The following ATP11C variants were observed in gnomAD, a reference collection of about 807,000 sequenced individuals.
ATP11C encodes ATPase phospholipid transporting 11C (ATP11C blood group).
ATP11C carries 36 observed loss-of-function variants against 97.4 expected under a neutral mutation model. The ratio of observed to expected loss-of-function variants is 0.37; its 90% CI spans 0.28 to 0.49. The LOEUF is 0.49. ATP11C is among the 20% of genes least tolerant of loss of function. The pLI, the probability that ATP11C is intolerant of heterozygous loss-of-function variation, is 0.98. For synonymous variants in ATP11C, 275 were observed against 290.9 expected (o/e 0.95, Z 0.56); for missense variants, 730 against 824.6 (o/e 0.89, Z 1.40).
chrX:139,871,143 A>G (rs1174304389), intron 1 of ATP11C, among the ~76,000 whole-genome samples: 2 of 110,797 alleles, frequency 1.8e-5, no homozygotes, highest in African/African-American at 3.3e-5. Context: ...AAACCATATG[A>G]AAGTCTAGAT....
At chrX:139,880,086 C>T (rs1404708878) in intron 1 of ATP11C, among the ~76,000 whole-genome samples, 1 of 110,687 alleles carries the variant, frequency 9.0e-6, no homozygotes, top group Non-Finnish European at 1.9e-5. Context: ...AAAAAAAACA[C>T]CTTCTTTTGC....
In ATP11C at chrX:139,874,209, ATTT is replaced by A. The variant is rs140962708; in HGVS notation, c.28-47389_28-47387del. 3.0e-3 allele frequency among the ~76,000 whole-genome samples: 248 copies of A among 81,967 alleles called. 1 individual carries two copies. The highest frequency in any genetic ancestry group is 0.012 in the African/African-American group (228 of 18,584). The allele number at this position is 81,967 out of a possible 115,157, so 71.2% of individuals were successfully genotyped here. A position where few individuals can be genotyped will look rare whatever the true frequency, so the allele number is the denominator to read the frequency against. On this transcript the variant is annotated intron_variant, in intron 1 of 29. Transcript: ENST00000682941. ...AGACGTGTGCCACCATGCCTGGCTA[ATTT>A]TTTTTTTTTTTTTTTTTTTGTATTT...
chrX:139,817,062 G>T, intron 3 of ATP11C, 119 bp from the exon 4 acceptor site: 1 of 371,145 alleles, frequency 2.7e-6, no homozygotes. Flanking sequence ...CCAGTAGTAG[G>T]GTAAATATTA....
At chrX:139,903,194 G>A (rs1325449077) in intron 1 of ATP11C, among the ~76,000 whole-genome samples, 1 of 111,454 alleles carries the variant, frequency 9.0e-6, no homozygotes, top group East Asian at 2.8e-4. Context: ...CAAAAACCAG[G>A]GGGTGGCCTG....
In ATP11C at chrX:139,787,302, T is replaced by C. The variant is rs1236681008; in HGVS notation, c.1521-58A>G. The C allele has an allele frequency of 3.2e-5, 32 of 999,375 alleles. No homozygotes were observed. In the East Asian group the frequency reaches 1.1e-3, roughly 33 times the overall value. 82.4% of individuals were successfully genotyped at this position (999,375 alleles called of 1,213,427 possible). A position where few individuals can be genotyped will look rare whatever the true frequency, so the allele number is the denominator to read the frequency against. ...CTCTAAAGAATGATTAATTTTTTTATTATTATTTTTTTTGAGACAGAGTCT... is the reference window on the plus strand; with the variant it reads ...CTCTAAAGAATGATTAATTTTTTTACTATTATTTTTTTTGAGACAGAGTCT... On this transcript the variant is annotated intron_variant, in intron 14 of 29. Transcript: ENST00000682941.
At chrX:139,922,733 A>T (rs1034862570) in intron 1 of ATP11C, among the ~76,000 whole-genome samples, 1 of 111,814 alleles carries the variant, frequency 8.9e-6, no homozygotes, top group Admixed American at 9.5e-5. Context: ...CAGGATTGTG[A>T]GAAATAAATT....
intron 18 of ATP11C, among the ~76,000 whole-genome samples, chrX:139,781,936 T>A (rs1209440271): frequency 9.0e-6 from 1 of 111,010 alleles, no homozygotes; most frequent in African/African-American, 3.3e-5. Flanking sequence ...GACTATTTGA[T>A]AATATGTGCA....
At chrX:139,830,601 T>C (rs1419201536) in intron 1 of ATP11C, among the ~76,000 whole-genome samples, 2 of 111,625 alleles carry the variant, frequency 1.8e-5, no homozygotes, top group Non-Finnish European at 3.8e-5. Context: ...AAAACCGACG[T>C]AATCCCTGGC....
chrX:139,799,335 C>A (rs1213523345), intron 8 of ATP11C, among the ~76,000 whole-genome samples: 1 of 111,473 alleles, frequency 9.0e-6, no homozygotes, highest in Non-Finnish European at 1.9e-5. Flanking sequence ...TAAAACAATT[C>A]GTTTTAATGA....
intron 1 of ATP11C, among the ~76,000 whole-genome samples, chrX:139,853,833 CAA>C (rs934664774): frequency 8.9e-4 from 19 of 21,263 alleles, no homozygotes; most frequent in East Asian, 2.0e-3. Flanking sequence ...TATCCTAAGT[CAA>C]AAAAAAAAAA....
intron 18 of ATP11C, among the ~76,000 whole-genome samples, chrX:139,780,000 T>C (rs1218508939): frequency 1.8e-5 from 2 of 110,659 alleles, no homozygotes; most frequent in Non-Finnish European, 3.8e-5. Context: ...CTCCCAACAT[T>C]GAACCAGAAG....
intron 20 of ATP11C, among the ~76,000 whole-genome samples, chrX:139,764,699 T>C (rs1386475152): frequency 8.9e-6 from 1 of 112,657 alleles, no homozygotes; most frequent in Non-Finnish European, 1.9e-5. Flanking sequence ...ACCCTGCAGT[T>C]ATTTCTTTAA....
intron 7 of ATP11C, among the ~76,000 whole-genome samples, chrX:139,801,104 T>C (rs946986553): frequency 6.2e-5 from 7 of 112,314 alleles, no homozygotes; most frequent in Non-Finnish European, 1.3e-4. Flanking sequence ...GGAATAACCT[T>C]CCCTGTCCTA....
chrX:139,784,973 G>A (rs2082543060), intron 16 of ATP11C, among the ~76,000 whole-genome samples: 2 of 111,747 alleles, frequency 1.8e-5, no homozygotes, highest in South Asian at 7.6e-4. Flanking sequence ...GAACACCCAA[G>A]GCAGAGGGAT....
At chrX:139,783,440 G>A (rs1270984801) in intron 16 of ATP11C, among the ~76,000 whole-genome samples, 173 bp from the exon 17 acceptor site, 6 of 112,001 alleles carry the variant, frequency 5.4e-5, no homozygotes, top group Admixed American at 9.5e-5. Context: ...TGTCAGAAAG[G>A]CATGTACCAC....
intron 19 of ATP11C, among the ~76,000 whole-genome samples, chrX:139,769,284 AT>A (rs1453035825): frequency 1.9e-4 from 2 of 10,406 alleles, no homozygotes; most frequent in Non-Finnish European, 3.5e-4. Context: ...AAACATACAT[AT>A]ATATATATAT....
intron 1 of ATP11C, among the ~76,000 whole-genome samples, chrX:139,899,004 T>C (rs1446258386): frequency 8.9e-6 from 1 of 111,739 alleles, no homozygotes; most frequent in Admixed American, 9.6e-5. Flanking sequence ...GCACTTCATC[T>C]CTCGTCTTCC....
Position 139,741,029 on chromosome X carries a change from G to T in ATP11C, c.3096C>A (p.Phe1032Leu). 1 of 1,205,966 alleles carries T rather than the reference G, an allele frequency of 8.3e-7. No homozygotes were observed. The highest frequency in any genetic ancestry group is 1.8e-5 in the South Asian group (1 of 56,771). The change falls in exon 27 of 30, where the codon TTC becomes TTA. Residue 1032 changes from phenylalanine (F) to leucine (L), a missense_variant. By Grantham distance (22) the Phe-to-Leu change is conservative (BLOSUM62 0). Transcript: ENST00000682941. ...CCCAGAAGAATGAGAAAAATACATA[G>T]AAGGCTAAAGAACCCCAAATCACAA... is the stretch of plus-strand genomic sequence containing the variant. Reference protein sequence around the residue: ...NHFVIWGSLAFYVFFSFFWGG... With the variant: ...NHFVIWGSLALYVFFSFFWGG...
At chrX:139,814,282 T>C (rs1005900874) in intron 5 of ATP11C, among the ~76,000 whole-genome samples, 1 of 111,295 alleles carries the variant, frequency 9.0e-6, no homozygotes, top group African/African-American at 3.3e-5. Context: ...GTCTCTTATG[T>C]TGCTGATGGG....
Sources: gnomAD v4.1 joint callset for allele counts (sites outside exome capture counted in the v4.1 genomes callset) on GRCh38, gnomAD v4.1.1 for gene constraint, MANE v1.5 for transcripts, NCBI Gene and HGNC (gene_info 2026-07-23, HGNC 2026-07-21) for gene names.